SPAG16: variants seen among roughly 807,000 people sequenced by gnomAD.
SPAG16 encodes sperm-associated antigen 16 protein.
In SPAG16, 86 loss-of-function variants were observed where a neutral mutation model predicts 80.4. The observed-to-expected ratio is 1.07, with a 90% CI of 0.90 to 1.28. The LOEUF (loss-of-function observed/expected upper bound fraction) is 1.28. Ranked by LOEUF, SPAG16 falls within the 50% of genes most tolerant of loss-of-function variation. The pLI, the probability that SPAG16 is intolerant of heterozygous loss-of-function variation, is 0.00. For missense variants in SPAG16, 870 were observed against 765.3 expected, an observed-to-expected ratio of 1.14 and a Z score of -1.61; for synonymous variants, 294 against 265.9, an observed-to-expected ratio of 1.11 and a Z score of -1.03.
chr2:213,977,246 C>G (rs963865334), intron 12 of SPAG16, among the ~76,000 whole-genome samples: 1 of 151,934 alleles, frequency 6.6e-6, no homozygotes, highest in African/African-American at 2.4e-5. Flanking sequence ...ACACACACTG[C>G]CCCCCAGGAT....
intron 12 of SPAG16, among the ~76,000 whole-genome samples, chr2:213,987,268 T>C (rs2046060703): frequency 6.6e-6 from 1 of 152,094 alleles, no homozygotes; most frequent in South Asian, 2.1e-4. Flanking sequence ...CAATTTCTTC[T>C]GCAATACCTA....
At position 213,667,006 on chromosome 2, in the gene SPAG16, C is replaced by T. The variant is rs146737694; in HGVS notation, c.1070+176916C>T. On this transcript the variant is annotated intron_variant, in intron 10 of 15. Transcript: ENST00000331683. ...TCCAGAAATGTATTGATACTCACTTCAAGATCTCTTGCCTGTTAGAATGAG... is the reference window on the plus strand; with the variant it reads ...TCCAGAAATGTATTGATACTCACTTTAAGATCTCTTGCCTGTTAGAATGAG... Among the ~76,000 whole-genome samples, 629 of 152,286 alleles carry T rather than the reference C, an allele frequency of 4.1e-3. 7 individuals carry two copies. The highest frequency in any genetic ancestry group is 0.014 in the African/African-American group (592 of 41,572).
rs368601378 is a variant in SPAG16 at position 213,964,129 on chromosome 2, T to C, written c.1400+33984T>C. 1.5e-4 allele frequency among the ~76,000 whole-genome samples: 23 copies of C among 152,272 alleles called. No homozygotes were observed. In the East Asian group the frequency reaches 4.2e-3, roughly 28 times the overall value. ...CTGTTTTTCCACTACATGAAATGGC[T>C]CAGTATTTGCCTATTTGAAATTGTT... On this transcript the variant is annotated intron_variant, in intron 12 of 15. Coordinates refer to ENST00000331683, the MANE Select transcript of SPAG16 (RefSeq NM_024532.5).
chr2:213,684,899 C>G (rs2064586110), intron 10 of SPAG16, among the ~76,000 whole-genome samples: 1 of 152,164 alleles, frequency 6.6e-6, no homozygotes, highest in Non-Finnish European at 1.5e-5. Context: ...AGTCATACTA[C>G]AATGCAAAAT....
At chr2:213,680,230 C>G (rs1265323759) in intron 10 of SPAG16, among the ~76,000 whole-genome samples, 1 of 152,208 alleles carries the variant, frequency 6.6e-6, no homozygotes, top group East Asian at 1.9e-4. Context: ...CAGGTATCAG[C>G]AAGAACTCCA....
intron 5 of SPAG16, among the ~76,000 whole-genome samples, chr2:213,331,449 A>G (rs1460597797): frequency 1.3e-5 from 2 of 152,258 alleles, no homozygotes; most frequent in Non-Finnish European, 2.9e-5. Flanking sequence ...TAAAGCAAAT[A>G]TTATTAGAGC....
At chr2:214,359,372 A>T (rs1460307852) in intron 15 of SPAG16, among the ~76,000 whole-genome samples, 1 of 151,918 alleles carries the variant, frequency 6.6e-6, no homozygotes, top group East Asian at 1.9e-4. Context: ...ACTCTCCTAA[A>T]ATCATATTGG....
At chr2:214,363,122 C>G (rs989803137) in intron 15 of SPAG16, among the ~76,000 whole-genome samples, 1 of 151,878 alleles carries the variant, frequency 6.6e-6, no homozygotes, top group African/African-American at 2.4e-5. Context: ...CAACTTACCA[C>G]TTTTCCCAAG....
intron 10 of SPAG16, among the ~76,000 whole-genome samples, chr2:213,587,655 C>A (rs1051986109): frequency 6.6e-6 from 1 of 151,106 alleles, no homozygotes; most frequent in Non-Finnish European, 1.5e-5. Context: ...CTTTCTTATT[C>A]CTTTTAATAT....
At chr2:213,522,610 A>G (rs1406710525) in intron 10 of SPAG16, among the ~76,000 whole-genome samples, 1 of 152,178 alleles carries the variant, frequency 6.6e-6, no homozygotes, top group Non-Finnish European at 1.5e-5. Context: ...GAGAAGGTGA[A>G]GAAGCTGACA....
chr2:213,751,321 A>G (rs2125488000), intron 10 of SPAG16, among the ~76,000 whole-genome samples: 1 of 152,216 alleles, frequency 6.6e-6, no homozygotes, highest in Non-Finnish European at 1.5e-5. Context: ...TCCTCATCCC[A>G]CTGACCCTAA....
rs1553518019 is a variant in SPAG16 at position 214,163,637 on chromosome 2, T to TATAG, written c.1720+14372_1720+14373insTAGA. On this transcript the variant is annotated intron_variant, in intron 15 of 15. Transcript: ENST00000331683. ...ATACACACATATATACATATATATATAGAGAGAGAGAGAGAAAGAGAGAGA... is the reference window on the plus strand; with the variant it reads ...ATACACACATATATACATATATATATATAGAGAGAGAGAGAGAGAAAGAGAGAGA... Among the ~76,000 whole-genome samples, 427 of 149,128 alleles carry TATAG rather than the reference T, an allele frequency of 2.9e-3. 3 individuals carry two copies. Among genetic ancestry groups the TATAG allele is most frequent in the African/African-American group, 8.6e-3 (351 of 40,814 alleles).
intron 9 of SPAG16, among the ~76,000 whole-genome samples, chr2:213,412,633 TG>T (rs72315187): frequency 0.057 from 8,476 of 148,854 alleles, 762 homozygotes; most frequent in African/African-American, 0.21. Context: ...TATTTTTTTT[TG>T]TTTGTTTGGC....
intron 4 of SPAG16, among the ~76,000 whole-genome samples, chr2:213,312,489 A>G (rs2063232461): frequency 6.6e-6 from 1 of 151,670 alleles, no homozygotes; most frequent in Non-Finnish European, 1.5e-5. Flanking sequence ...CCCTAAAGAT[A>G]CATTCTTACT....
chr2:214,389,863 A>G (rs1700969833), intron 15 of SPAG16, among the ~76,000 whole-genome samples: 1 of 152,182 alleles, frequency 6.6e-6, no homozygotes, highest in Admixed American at 6.5e-5. Context: ...CATATCATTG[A>G]CATTCTTCAG....
intron 10 of SPAG16, among the ~76,000 whole-genome samples, chr2:213,745,959 C>T (rs1274964340): frequency 2.0e-5 from 3 of 152,136 alleles, no homozygotes; most frequent in Non-Finnish European, 4.4e-5. Flanking sequence ...CTTGATTTCT[C>T]GTACAATTGC....
intron 13 of SPAG16, among the ~76,000 whole-genome samples, chr2:214,052,779 C>T (rs1236240396): frequency 6.6e-6 from 1 of 152,088 alleles, no homozygotes; most frequent in Non-Finnish European, 1.5e-5. Context: ...CTGTTTGCTC[C>T]TTACAGCAAA....
At chr2:213,722,648 T>C (rs1395156305) in intron 10 of SPAG16, among the ~76,000 whole-genome samples, 1 of 152,162 alleles carries the variant, frequency 6.6e-6, no homozygotes, top group Non-Finnish European at 1.5e-5. Context: ...ATCAGGATTA[T>C]GATGCGGTTT....
At chr2:214,160,801 T>C (rs2056406314) in intron 15 of SPAG16, among the ~76,000 whole-genome samples, 2 of 152,118 alleles carry the variant, frequency 1.3e-5, no homozygotes, top group African/African-American at 4.8e-5. Flanking sequence ...TATATGCCTA[T>C]CAATTTAATC....
Sources: allele counts gnomAD v4.1 joint callset (sites outside exome capture counted in the v4.1 genomes callset), GRCh38; gene constraint gnomAD v4.1.1; transcripts MANE v1.5; gene names NCBI Gene and HGNC (gene_info 2026-07-23, HGNC 2026-07-21).